GPC5: variants seen among roughly 807,000 people sequenced by gnomAD.
GPC5 encodes the protein glypican-5.
GPC5 carries 47 observed loss-of-function variants against 53.9 expected under a neutral mutation model. The ratio of observed to expected loss-of-function variants is 0.87; its 90% CI spans 0.69 to 1.11. The LOEUF (loss-of-function observed/expected upper bound fraction) is 1.11, where lower values mean the gene tolerates loss of function less well. GPC5 is among the 50% of genes most tolerant of loss of function. The pLI, the probability that GPC5 is intolerant of heterozygous loss-of-function variation, is 0.00. For missense variants in GPC5, 748 were observed against 713.1 expected (o/e 1.05, Z -0.56); for synonymous variants, 286 against 263.3 (o/e 1.09, Z -0.84).
chr13:92,488,280 A>G (rs1450587863), intron 7 of GPC5, among the ~76,000 whole-genome samples: 1 of 152,206 alleles, frequency 6.6e-6, no homozygotes, highest in East Asian at 1.9e-4. Context: ...ACCAATTTAA[A>G]TCAAAGCATA....
intron 7 of GPC5, among the ~76,000 whole-genome samples, chr13:92,864,742 C>T (rs1459728926): frequency 6.6e-6 from 1 of 151,798 alleles, no homozygotes; most frequent in Admixed American, 6.6e-5. Context: ...AAACAAGCAC[C>T]CAAACAATGA....
At chr13:91,640,059 C>G (rs969717095) in intron 2 of GPC5, among the ~76,000 whole-genome samples, 1 of 151,774 alleles carries the variant, frequency 6.6e-6, no homozygotes, top group African/African-American at 2.4e-5. Flanking sequence ...AAATAATACC[C>G]ATAAAAGCTA....
chr13:92,743,088 C>A (rs181629246), intron 7 of GPC5, among the ~76,000 whole-genome samples: 1 of 148,494 alleles, frequency 6.7e-6, no homozygotes, highest in Admixed American at 6.8e-5. Flanking sequence ...TCCACATGAA[C>A]TTTAAAGTAG....
chr13:92,732,896 C>T (rs1888843888), intron 7 of GPC5, among the ~76,000 whole-genome samples: 2 of 151,556 alleles, frequency 1.3e-5, no homozygotes, highest in African/African-American at 4.8e-5. Flanking sequence ...TGGTTCTTTC[C>T]CATCCTGAGA....
intron 6 of GPC5, among the ~76,000 whole-genome samples, chr13:91,983,109 G>T (rs552803957): frequency 7.9e-5 from 12 of 152,182 alleles, no homozygotes; most frequent in Admixed American, 5.2e-4. Flanking sequence ...ACTTTGGGAT[G>T]CCGAGACGGG....
chr13:92,357,416 G>C (rs2043531534), intron 7 of GPC5, among the ~76,000 whole-genome samples: 1 of 151,818 alleles, frequency 6.6e-6, no homozygotes, highest in Non-Finnish European at 1.5e-5. Flanking sequence ...ATTGTCACTT[G>C]TGTGAGATGG....
chr13:92,071,342 C>A (rs1449575496), intron 6 of GPC5, among the ~76,000 whole-genome samples: 2 of 152,036 alleles, frequency 1.3e-5, no homozygotes, highest in African/African-American at 2.4e-5. Context: ...CATATAGATT[C>A]TTCTTGAATT....
chr13:91,611,847 C>T (rs903153337), intron 2 of GPC5, among the ~76,000 whole-genome samples: 2 of 152,124 alleles, frequency 1.3e-5, no homozygotes, highest in Non-Finnish European at 2.9e-5. Context: ...TCTCTTTTTC[C>T]TTCCTGATGA....
chr13:91,582,909 G>A (rs2032420684), intron 2 of GPC5, among the ~76,000 whole-genome samples: 1 of 152,100 alleles, frequency 6.6e-6, no homozygotes, highest in Non-Finnish European at 1.5e-5. Context: ...GCTGAGGCAG[G>A]AGAATTGCTT....
chr13:91,436,483 G>T lies in GPC5; in HGVS notation c.164-12278G>T, dbSNP rs143396979. On this transcript the variant is annotated intron_variant, in intron 1 of 7. Coordinates refer to ENST00000377067, the MANE Select transcript of GPC5 (RefSeq NM_004466.6). Reference sequence around the variant, plus strand: ...CAGGAGCAGGTTGTTCAGTTTCCATGTAGTTGAGAGGTTTTGAGGGAGTTT... The same window carrying T: ...CAGGAGCAGGTTGTTCAGTTTCCATTTAGTTGAGAGGTTTTGAGGGAGTTT... Among the ~76,000 whole-genome samples, 609 of 152,312 alleles carry T rather than the reference G, an allele frequency of 4.0e-3. 3 individuals carry two copies. The highest frequency in any genetic ancestry group is 0.014 in the African/African-American group (569 of 41,564).
chr13:91,815,784 A>AT (rs890040276), intron 5 of GPC5, among the ~76,000 whole-genome samples: 1 of 152,040 alleles, frequency 6.6e-6, no homozygotes, highest in Non-Finnish European at 1.5e-5. Context: ...CATAGAATTC[A>AT]TTTTTTCTTG....
rs1156730985 is a variant in GPC5, at chr13:92,652,027, A to C, written c.1562-214255A>C. ...AATGTGAACACATATGCATACACCC[A>C]AATATTTGAAGAGGTACATACTAAA... On this transcript the variant is annotated intron_variant, in intron 7 of 7. Transcript: ENST00000377067. Among the ~76,000 whole-genome samples, 6 of 152,174 alleles carry C rather than the reference A, an allele frequency of 3.9e-5. No homozygotes were observed. In the South Asian group the frequency reaches 8.3e-4, roughly 21 times the overall value.
chr13:92,284,992 C>G (rs1012688833), intron 7 of GPC5, among the ~76,000 whole-genome samples: 2 of 152,020 alleles, frequency 1.3e-5, no homozygotes, highest in African/African-American at 4.8e-5. Context: ...TCTAGATAAC[C>G]CCATCGTCTC....
intron 7 of GPC5, among the ~76,000 whole-genome samples, chr13:92,652,137 T>C (rs1191925484): frequency 6.6e-6 from 1 of 152,144 alleles, no homozygotes; most frequent in African/African-American, 2.4e-5. Flanking sequence ...TCTATACATT[T>C]CTCTTATTTG....
At chr13:92,389,001 A>T (rs1874871660) in intron 7 of GPC5, among the ~76,000 whole-genome samples, 1 of 152,126 alleles carries the variant, frequency 6.6e-6, no homozygotes, top group Non-Finnish European at 1.5e-5. Context: ...CTACAGAAAA[A>T]CACCAGTCTA....
At chr13:92,727,930 C>G (rs1888688514) in intron 7 of GPC5, among the ~76,000 whole-genome samples, 2 of 151,316 alleles carry the variant, frequency 1.3e-5, no homozygotes, top group South Asian at 4.1e-4. Context: ...GTATTCACAC[C>G]TCACATAAAA....
At chr13:92,535,644 A>G (rs1881701370) in intron 7 of GPC5, among the ~76,000 whole-genome samples, 1 of 148,258 alleles carries the variant, frequency 6.7e-6, no homozygotes, top group Admixed American at 6.7e-5. Context: ...CTTTAAGACT[A>G]GAATAGTCCA....
chr13:92,029,382 G>T (rs1394444385), intron 6 of GPC5, among the ~76,000 whole-genome samples: 1 of 152,186 alleles, frequency 6.6e-6, no homozygotes, highest in African/African-American at 2.4e-5. Context: ...TTCATTTCTT[G>T]ACATTCAACT....
chr13:91,475,893 G>T (rs1175462551), intron 2 of GPC5, among the ~76,000 whole-genome samples: 1 of 152,186 alleles, frequency 6.6e-6, no homozygotes, highest in African/African-American at 2.4e-5. Context: ...TGCAGAGTCA[G>T]TGCTTGCTGA....
Sources: gnomAD v4.1 joint callset for allele counts (sites outside exome capture counted in the v4.1 genomes callset) on GRCh38, gnomAD v4.1.1 for gene constraint, MANE v1.5 for transcripts, NCBI Gene and HGNC (gene_info 2026-07-23, HGNC 2026-07-21) for gene names.